RBM19: variants seen among roughly 807,000 people sequenced by gnomAD.
RBM19 encodes the protein RNA binding motif protein 19.
RBM19 carries 94 observed loss-of-function variants against 116.8 expected under a neutral mutation model. That is an observed-to-expected ratio of 0.80 (90% CI 0.68 to 0.95). The LOEUF is 0.95. RBM19 is among the 40% of genes least tolerant of loss of function. RBM19 has a pLI of 0.00. For synonymous variants in RBM19, 475 were observed against 494.1 expected (o/e 0.96, Z 0.51); for missense variants, 1,161 against 1,220.7 (o/e 0.95, Z 0.73).
intron 2 of RBM19, among the ~76,000 whole-genome samples, chr12:113,961,142 C>T (rs1872463895): frequency 6.6e-6 from 1 of 152,202 alleles, no homozygotes; most frequent in Non-Finnish European, 1.5e-5. Context: ...CTTGTCTCAG[C>T]CTTCTGAATA....
At position 113,936,987 on chromosome 12, in the gene RBM19, G is replaced by T; in HGVS notation, c.2068+20C>A. The T allele has an allele frequency of 6.2e-7, 1 of 1,611,982 alleles. No individual in the cohort carries two copies. Among genetic ancestry groups the T allele is most frequent in the South Asian group, 1.1e-5 (1 of 90,844 alleles). On this transcript the variant is annotated intron_variant, in intron 16 of 23. Transcript: ENST00000261741. ...CTCACCAGGATCCCAAGCCATCCTG[G>T]TCTCAGACTCAGCTCTTACCTGTTT...
At chr12:113,947,239 C>A in intron 11 of RBM19, 95 bp downstream of exon 11, 1 of 1,404,526 alleles carries the variant, frequency 7.1e-7, no homozygotes, top group Non-Finnish European at 9.5e-7. Context: ...ACAAAGTGGA[C>A]GCCCGTGTCC....
At position 113,956,281 on chromosome 12, in the gene RBM19, T is replaced by G. The variant is rs76709815; in HGVS notation, c.841-1070A>C. On this transcript the variant is annotated intron_variant, in intron 6 of 23. Transcript: ENST00000261741. Reference sequence around the variant, plus strand: ...AGGATGAAGCTTGCTTTCATCTCATTTGAAAATACAGGGCTGGGGCCAGGT... The same window carrying G: ...AGGATGAAGCTTGCTTTCATCTCATGTGAAAATACAGGGCTGGGGCCAGGT... Among the ~76,000 whole-genome samples, 169 of 152,142 alleles carry G rather than the reference T, an allele frequency of 1.1e-3. 1 individual carries two copies. The highest frequency in any genetic ancestry group is 4.0e-3 in the African/African-American group (166 of 41,524).
intron 13 of RBM19, among the ~76,000 whole-genome samples, chr12:113,942,996 T>C (rs920752447): frequency 6.6e-6 from 1 of 152,010 alleles, no homozygotes; most frequent in Non-Finnish European, 1.5e-5. Flanking sequence ...CCTCATCATA[T>C]GGGTCTTTGC....
intron 21 of RBM19, among the ~76,000 whole-genome samples, chr12:113,864,844 A>G (rs1170240253): frequency 6.6e-6 from 1 of 152,188 alleles, no homozygotes; most frequent in African/African-American, 2.4e-5. Context: ...GGTGGGTTTC[A>G]ATGGGTACTA....
chr12:113,946,587 C>T, intron 11 of RBM19, 112 bp from the exon 12 acceptor site: 1 of 1,438,460 alleles, frequency 7.0e-7, no homozygotes, highest in Non-Finnish European at 9.6e-7. Context: ...CACTGAAACC[C>T]TGACCAGAGG....
In RBM19 at chr12:113,964,580, T is replaced by C. The variant is rs557503790; in HGVS notation, c.36+1612A>G. On this transcript the variant is annotated intron_variant, in intron 1 of 23. Coordinates refer to ENST00000261741, the MANE Select transcript of RBM19 (RefSeq NM_016196.4). Reference sequence around the variant, plus strand: ...CAAGAGACATGTCTAACCTGATGGATGGATGAGTAATAGATATTTTTAAGT... The same window carrying C: ...CAAGAGACATGTCTAACCTGATGGACGGATGAGTAATAGATATTTTTAAGT... Among the ~76,000 whole-genome samples the C allele has an allele frequency of 2.4e-4, 36 of 152,278 alleles. No homozygotes were observed. The South Asian group carries it at 7.2e-3, about 31-fold the overall frequency.
At chr12:113,861,475 T>TGTGG (rs1491476620) in intron 21 of RBM19, among the ~76,000 whole-genome samples, 1 of 8,222 alleles carries the variant, frequency 1.2e-4, no homozygotes, top group African/African-American at 3.6e-4. Flanking sequence ...AGCCAGACTC[T>TGTGG]GTGTGTGTGT....
intron 14 of RBM19, among the ~76,000 whole-genome samples, 177 bp downstream of exon 14, chr12:113,942,147 C>T (rs1278403314): frequency 1.3e-5 from 2 of 152,156 alleles, no homozygotes; most frequent in Non-Finnish European, 2.9e-5. Context: ...GAATCAGGGT[C>T]AGATAGGCCA....
intron 13 of RBM19, among the ~76,000 whole-genome samples, chr12:113,943,488 C>T (rs534164614): frequency 7.4e-6 from 1 of 134,828 alleles, no homozygotes; most frequent in Non-Finnish European, 1.6e-5. Flanking sequence ...ACTACAATAG[C>T]TTGCAATTTT....
At chr12:113,868,608 A>G in intron 21 of RBM19, among the ~76,000 whole-genome samples, 1 of 152,184 alleles carries the variant, frequency 6.6e-6, no homozygotes, top group East Asian at 1.9e-4. Flanking sequence ...GAAAAGACAT[A>G]GTGTTTCTCA....
intron 13 of RBM19, among the ~76,000 whole-genome samples, chr12:113,945,325 C>T (rs1055142105): frequency 1.3e-5 from 2 of 152,236 alleles, no homozygotes; most frequent in Non-Finnish European, 1.5e-5. Context: ...CGACCCCCTC[C>T]TCTGGCTTCA....
chr12:113,944,799 CA>C (rs1025618252), intron 13 of RBM19, among the ~76,000 whole-genome samples: 1 of 136,246 alleles, frequency 7.3e-6, no homozygotes. Context: ...AACTCTGTCT[CA>C]AAAAAAAATT....
chr12:113,842,668 G>A (rs548177809), intron 23 of RBM19, among the ~76,000 whole-genome samples: 14 of 152,352 alleles, frequency 9.2e-5, no homozygotes, highest in Non-Finnish European at 1.6e-4. Context: ...AAAGAAATAA[G>A]TTACAACGTG....
chr12:113,912,651 G>A (rs1882507348), intron 21 of RBM19, among the ~76,000 whole-genome samples: 1 of 152,232 alleles, frequency 6.6e-6, no homozygotes, highest in Admixed American at 6.5e-5. Flanking sequence ...TGCACGGGAA[G>A]GCATTCAAGC....
At chr12:113,924,070 A>G (rs948544472) in intron 18 of RBM19, among the ~76,000 whole-genome samples, 4 of 152,210 alleles carry the variant, frequency 2.6e-5, no homozygotes, top group African/African-American at 9.6e-5. Context: ...GTGCGAAAGC[A>G]AGGACGTATC....
At chr12:113,817,585 T>C (rs562543479), downstream of RBM19, 1 of 152,344 alleles carries the variant, frequency 6.6e-6, no homozygotes, top group East Asian at 1.9e-4. Context: ...AGCTCAAGTT[T>C]CTGGGGACGA....
intron 21 of RBM19, among the ~76,000 whole-genome samples, chr12:113,895,570 C>T: frequency 6.6e-6 from 1 of 152,162 alleles, no homozygotes; most frequent in Middle Eastern, 3.2e-3. Flanking sequence ...TCTAAATGGA[C>T]ACAACACTAT....
At chr12:113,942,544 G>A (rs992513068) in intron 13 of RBM19, 110 bp from the exon 14 acceptor site, 37 of 820,146 alleles carry the variant, frequency 4.5e-5, no homozygotes, top group African/African-American at 1.2e-4. Flanking sequence ...TGGATTCCAC[G>A]GATGCCGCTC....
Sources: gnomAD v4.1 joint callset for allele counts (sites outside exome capture counted in the v4.1 genomes callset) on GRCh38, gnomAD v4.1.1 for gene constraint, MANE v1.5 for transcripts, NCBI Gene and HGNC (gene_info 2026-07-23, HGNC 2026-07-21) for gene names.